CDH11: variants seen among roughly 807,000 people sequenced by gnomAD.
CDH11 encodes cadherin-11.
Under a neutral mutation model 67.8 loss-of-function variants are expected in CDH11, and 11 were observed. The observed-to-expected ratio is 0.16, with a 90% confidence interval of 0.10 to 0.27. The LOEUF (loss-of-function observed/expected upper bound fraction) is 0.27. Ranked by LOEUF, CDH11 falls within the 10% of genes least tolerant of loss-of-function variation. The probability of loss-of-function intolerance (pLI) is 1.00; values close to 1 mark genes in which losing one functional copy is unlikely to be tolerated. For synonymous variants in CDH11, 419 were observed against 400.0 expected (o/e 1.05, Z -0.57); for missense variants, 847 against 1,031.2 (o/e 0.82, Z 2.45).
chr16:65,120,822 G>C (rs529514721), intron 1 of CDH11, among the ~76,000 whole-genome samples: 1 of 152,268 alleles, frequency 6.6e-6, no homozygotes, highest in South Asian at 2.1e-4. Flanking sequence ...CAAGGAAGCC[G>C]GACCCGCAAG....
intron 2 of CDH11, among the ~76,000 whole-genome samples, chr16:65,018,481 C>T (rs144321686): frequency 3.9e-5 from 6 of 152,220 alleles, no homozygotes; most frequent in African/African-American, 1.4e-4. Context: ...GGTAAGAATA[C>T]TCACATAGTT....
intron 1 of CDH11, among the ~76,000 whole-genome samples, chr16:65,091,090 A>G (rs1161223062): frequency 2.0e-5 from 3 of 152,244 alleles, no homozygotes; most frequent in African/African-American, 4.8e-5. Context: ...GACTGAATAC[A>G]TAATTCAATG....
intron 1 of CDH11, among the ~76,000 whole-genome samples, chr16:65,114,953 C>G (rs2075217625): frequency 6.6e-6 from 1 of 152,154 alleles, no homozygotes; most frequent in African/African-American, 2.4e-5. Flanking sequence ...CTGCTCAAAC[C>G]CCTTACAATC....
At chr16:65,014,407 A>C (rs1233927703) in intron 2 of CDH11, among the ~76,000 whole-genome samples, 1 of 152,192 alleles carries the variant, frequency 6.6e-6, no homozygotes, top group Non-Finnish European at 1.5e-5. Flanking sequence ...TGGAATCAAT[A>C]TATACATTCT....
rs202158744 is a variant in CDH11, at chr16:64,967,248, CA to C, written c.1642+4330del. ...GTTTGTTTGTTTGTTTGTTGCACTC[CA>C]GACTGTTGCCCAGGCTGGAGTGCAG... On this transcript the variant is annotated intron_variant, in intron 11 of 12. Transcript: ENST00000268603. Among the ~76,000 whole-genome samples, 1,485 of 152,174 alleles carry C rather than the reference CA, an allele frequency of 9.8e-3. 18 individuals are homozygous for C. The highest frequency in any genetic ancestry group is 0.017 in the Admixed American group (256 of 15,286).
Position 65,122,027 on chromosome 16 carries a change from C to T in CDH11, c.-445G>A, listed in dbSNP as rs1407923206. 4.3e-6 allele frequency: 3 copies of T among 694,460 alleles called. No individual in the cohort carries two copies. Among genetic ancestry groups the T allele is most frequent in the South Asian group, 1.5e-5 (1 of 66,934 alleles). 43.0% of individuals were successfully genotyped at this position (694,460 alleles called of 1,614,324 possible). A position where few individuals can be genotyped will look rare whatever the true frequency, so the allele number is the denominator to read the frequency against. On this transcript the variant is annotated 5_prime_UTR_variant, in exon 1 of 13. Transcript: ENST00000268603. ...GCCCCCGCGGCATCTGCTCCTCGGC[C>T]CGCGACGCTCCCCTCAGCTGGCGGC... is the stretch of plus-strand genomic sequence containing the variant.
chr16:64,972,048 T>G lies in CDH11; in HGVS notation c.1407A>C (p.Glu469Asp), dbSNP rs1442063041. The change falls in exon 10 of 13, where the codon GAA (glutamate) becomes GAC (aspartate). Residue 469 changes from glutamate to aspartate, a missense_variant. Glu to Asp is a conservative substitution (Grantham distance 45). Around this residue, in one of 2 missense-constraint regions of CDH11, gnomAD observed 612 missense variants for 678.7 expected, o/e 0.90. Transcript: ENST00000268603. ...CCCTAATGGCCACTGGGACTTTGGC[T>G]TCCTGATGCCGATTGTCTGGGAAGA... ...FAAEIHNRHQEAKVPVAIRVL... is the reference protein window; with the variant it reads ...FAAEIHNRHQDAKVPVAIRVL... 6.2e-7 allele frequency: 1 copy of G among 1,613,788 alleles called. No homozygotes were observed. Among genetic ancestry groups the G allele is most frequent in the Non-Finnish European group, 8.5e-7 (1 of 1,179,738 alleles).
At chr16:65,043,491 CT>C (rs143633054) in intron 2 of CDH11, among the ~76,000 whole-genome samples, 7,540 of 152,252 alleles carry the variant, frequency 0.05, 273 homozygotes, top group Non-Finnish European at 0.07. Context: ...AAAGATCATC[CT>C]TCAAAATAAT....
intron 2 of CDH11, among the ~76,000 whole-genome samples, chr16:65,044,457 AT>A (rs970861199): frequency 1.3e-4 from 19 of 151,446 alleles, no homozygotes; most frequent in African/African-American, 2.9e-4. Flanking sequence ...ATAAACTGTA[AT>A]TTTTTTTTAA....
At chr16:64,990,271 A>T (rs1278232069) in intron 6 of CDH11, among the ~76,000 whole-genome samples, 1 of 152,148 alleles carries the variant, frequency 6.6e-6, no homozygotes, top group Non-Finnish European at 1.5e-5. Context: ...AGCTCTTTGA[A>T]TGTTATATGA....
intron 2 of CDH11, among the ~76,000 whole-genome samples, chr16:65,037,054 C>A (rs960709349): frequency 7.9e-5 from 12 of 152,144 alleles, no homozygotes; most frequent in African/African-American, 2.9e-4. Context: ...TTCAAGGGGG[C>A]AGACCACACC....
rs953098916 is a variant in CDH11 at position 64,944,294 on chromosome 16, G to A, written c.*3309C>T. On this transcript the variant is annotated 3_prime_UTR_variant, in exon 13 of 13. Coordinates refer to ENST00000268603, the MANE Select transcript of CDH11 (RefSeq NM_001797.4). ...GGGGTCAGTCTTCCGGGTCAGAGATGACCATGGCCCAGACCAGGCTGATGG... is the reference window on the plus strand; with the variant it reads ...GGGGTCAGTCTTCCGGGTCAGAGATAACCATGGCCCAGACCAGGCTGATGG... The A allele has an allele frequency of 4.3e-6, 1 of 233,100 alleles. No homozygotes were observed. The highest frequency in any genetic ancestry group is 8.5e-6 in the Non-Finnish European group (1 of 117,976). 14.4% of individuals were successfully genotyped at this position (233,100 alleles called of 1,614,324 possible).
intron 11 of CDH11, chr16:64,968,555 C>T (rs901607490): frequency 3.5e-5 from 34 of 985,156 alleles, no homozygotes; most frequent in Admixed American, 2.5e-4. Context: ...CCTGCTGAGT[C>T]GGCTTTGAAG....
At chr16:65,073,305 A>T (rs1402725201) in intron 1 of CDH11, among the ~76,000 whole-genome samples, 4 of 152,160 alleles carry the variant, frequency 2.6e-5, no homozygotes, top group African/African-American at 9.7e-5. Flanking sequence ...TTTTTACTTG[A>T]GACAGAGTCT....
chr16:65,068,767 A>G (rs1221152661), intron 1 of CDH11, among the ~76,000 whole-genome samples: 1 of 152,204 alleles, frequency 6.6e-6, no homozygotes, highest in Non-Finnish European at 1.5e-5. Flanking sequence ...CATTCGCTTT[A>G]ATTTCTTATT....
At chr16:64,954,373 C>T (rs1176517781) in intron 11 of CDH11, among the ~76,000 whole-genome samples, 1 of 152,182 alleles carries the variant, frequency 6.6e-6, no homozygotes, top group Non-Finnish European at 1.5e-5. Context: ...TAATTATCTG[C>T]TTTCAATTGG....
upstream of CDH11, among the ~76,000 whole-genome samples, chr16:65,122,838 C>A (rs1256840313): frequency 2.0e-5 from 3 of 152,186 alleles, no homozygotes. Flanking sequence ...CGGCCTCGCT[C>A]CAGCTTTTGG....
At position 65,122,028 on chromosome 16, in the gene CDH11, C is replaced by A; in HGVS notation, c.-446G>T. ...CCCCCGCGGCATCTGCTCCTCGGCC[C>A]GCGACGCTCCCCTCAGCTGGCGGCG... is the stretch of plus-strand genomic sequence containing the variant. On this transcript the variant is annotated 5_prime_UTR_variant, in exon 1 of 13. Coordinates refer to ENST00000268603, the MANE Select transcript of CDH11 (RefSeq NM_001797.4). 1 of 693,120 alleles carries A rather than the reference C, an allele frequency of 1.4e-6. No homozygotes were observed. The highest frequency in any genetic ancestry group is 2.6e-6 in the Non-Finnish European group (1 of 380,808). The allele number at this position is 693,120 out of a possible 1,614,324, so 42.9% of individuals were successfully genotyped here. A position where few individuals can be genotyped will look rare whatever the true frequency, so the allele number is the denominator to read the frequency against.
chr16:64,963,890 T>C (rs1315944315), intron 11 of CDH11, among the ~76,000 whole-genome samples: 1 of 152,178 alleles, frequency 6.6e-6, no homozygotes, highest in Non-Finnish European at 1.5e-5. Flanking sequence ...AGAAATAGTT[T>C]TTCAGACTAG....
Sources: allele counts gnomAD v4.1 joint callset (sites outside exome capture counted in the v4.1 genomes callset), GRCh38; gene constraint gnomAD v4.1.1; regional missense constraint gnomAD v4.1.1; transcripts MANE v1.5; gene names NCBI Gene and HGNC (gene_info 2026-07-23, HGNC 2026-07-21).